Variants in RAB20 observed in about 807,000 individuals in gnomAD.
RAB20 encodes the protein ras-related protein Rab-20.
A neutral mutation model predicts 3.7 loss-of-function variants in RAB20; 2 were observed. That is an observed-to-expected ratio of 0.54 (90% CI 0.22 to 1.69). The LOEUF is 1.69. Ranked by LOEUF, RAB20 falls within the 40% of genes most tolerant of loss-of-function variation. The pLI is 0.19. For missense variants in RAB20, 276 were observed against 311.9 expected (o/e 0.88, Z 0.87); for synonymous variants, 126 against 130.8 (o/e 0.96, Z 0.25).
Position 110,561,333 on chromosome 13 carries a change from C to T in RAB20, c.172+15G>A. On this transcript the variant is annotated intron_variant, in intron 1 of 1. Coordinates refer to ENST00000267328, the MANE Select transcript of RAB20 (RefSeq NM_017817.3). ...GAGCCCCAGGGCGGTGTGGCTCATG[C>T]GGCGCCGGCCTCACCTGCGGTGTCC... 3 of 1,577,862 alleles carry T rather than the reference C, an allele frequency of 1.9e-6. No homozygotes were observed. Among genetic ancestry groups the T allele is most frequent in the East Asian group, 2.4e-5 (1 of 40,866 alleles).
intron 1 of RAB20, among the ~76,000 whole-genome samples, chr13:110,556,119 A>ACACAGC (rs1473391663): frequency 2.6e-5 from 4 of 152,226 alleles, no homozygotes; most frequent in Non-Finnish European, 5.9e-5. Flanking sequence ...AAAGGAGGTG[A>ACACAGC]CACAGCCACA....
Position 110,547,728 on chromosome 13 carries a change from C to T in RAB20, c.172+13620G>A, listed in dbSNP as rs550017125. Among the ~76,000 whole-genome samples the T allele has an allele frequency of 1.7e-4, 26 of 152,266 alleles. No homozygotes were observed. The East Asian group carries it at 4.6e-3, about 27-fold the overall frequency. ...GATTAAAGGAGCTAAAATGGGGAAGCGTTTTGCAGAGCCTCTGGCACATAT... is the reference window on the plus strand; with the variant it reads ...GATTAAAGGAGCTAAAATGGGGAAGTGTTTTGCAGAGCCTCTGGCACATAT... On this transcript the variant is annotated intron_variant, in intron 1 of 1. Transcript: ENST00000267328.
intron 1 of RAB20, among the ~76,000 whole-genome samples, chr13:110,551,608 G>A (rs989242020): frequency 2.0e-5 from 3 of 152,192 alleles, no homozygotes; most frequent in Non-Finnish European, 2.9e-5. Flanking sequence ...GCCAGCGTTC[G>A]CGGCCAGCTG....
chr13:110,558,607 C>A (rs1212099727), intron 1 of RAB20, among the ~76,000 whole-genome samples: 1 of 151,774 alleles, frequency 6.6e-6, no homozygotes, highest in African/African-American at 2.4e-5. Flanking sequence ...GTCTTGAACT[C>A]CTGACCTTAG....
chr13:110,557,114 C>G (rs1259783211), intron 1 of RAB20, among the ~76,000 whole-genome samples: 1 of 152,108 alleles, frequency 6.6e-6, no homozygotes, highest in East Asian at 1.9e-4. Context: ...AACACCTCCA[C>G]CAGAAGGAGC....
At chr13:110,538,238 C>CAAAAAAAAA (rs570075617) in intron 1 of RAB20, among the ~76,000 whole-genome samples, 1 of 78,524 alleles carries the variant, frequency 1.3e-5, no homozygotes, top group Non-Finnish European at 2.5e-5. Flanking sequence ...GACCTTGTCT[C>CAAAAAAAAA]AAAAAAAAAA....
At chr13:110,542,615 C>T (rs2477910) in intron 1 of RAB20, among the ~76,000 whole-genome samples, 1 of 152,036 alleles carries the variant, frequency 6.6e-6, no homozygotes, top group Non-Finnish European at 1.5e-5. Context: ...ATTTCACTTA[C>T]CATGATGTCC....
intron 1 of RAB20, among the ~76,000 whole-genome samples, chr13:110,559,269 T>C (rs779673199): frequency 2.8e-5 from 4 of 143,042 alleles, no homozygotes; most frequent in Non-Finnish European, 3.1e-5. Context: ...AAATGGTTCC[T>C]CCTCCGGCTG....
At chr13:110,526,600 C>A (rs1884435064) in intron 1 of RAB20, among the ~76,000 whole-genome samples, 1 of 152,152 alleles carries the variant, frequency 6.6e-6, no homozygotes, top group African/African-American at 2.4e-5. Context: ...TCACAGGGTC[C>A]ATGACCTTGA....
At chr13:110,532,386 C>T (rs1033235829) in intron 1 of RAB20, among the ~76,000 whole-genome samples, 1 of 152,094 alleles carries the variant, frequency 6.6e-6, no homozygotes, top group Admixed American at 6.6e-5. Flanking sequence ...TATTTATTTA[C>T]TTTTTCTTGA....
At chr13:110,524,331 T>G in intron 1 of RAB20, 134 bp from the exon 2 acceptor site, 1 of 1,331,676 alleles carries the variant, frequency 7.5e-7, no homozygotes, top group South Asian at 1.6e-5. Flanking sequence ...TGCTTAAACA[T>G]AGTTGATGGA....
intron 1 of RAB20, among the ~76,000 whole-genome samples, chr13:110,529,928 G>A (rs1050081955): frequency 6.6e-6 from 1 of 152,194 alleles, no homozygotes; most frequent in African/African-American, 2.4e-5. Flanking sequence ...ACATACAGAC[G>A]AAGAGGTCAA....
chr13:110,528,787 T>C (rs1390994144), intron 1 of RAB20, among the ~76,000 whole-genome samples: 2 of 152,148 alleles, frequency 1.3e-5, no homozygotes, highest in Non-Finnish European at 2.9e-5. Context: ...AAAGGAAAGA[T>C]CTTAGTAATG....
At chr13:110,552,254 C>A (rs1164893331) in intron 1 of RAB20, among the ~76,000 whole-genome samples, 3 of 151,778 alleles carry the variant, frequency 2.0e-5, no homozygotes, top group South Asian at 4.2e-4. Flanking sequence ...TGGTGGGCAC[C>A]CATAATCCCA....
intron 1 of RAB20, among the ~76,000 whole-genome samples, chr13:110,547,257 C>T (rs1442667796): frequency 6.6e-6 from 1 of 152,250 alleles, no homozygotes; most frequent in East Asian, 1.9e-4. Context: ...ACTGAATCAG[C>T]TGGCTCTGCA....
chr13:110,546,698 C>CT (rs1464263031), intron 1 of RAB20, among the ~76,000 whole-genome samples: 2 of 110,480 alleles, frequency 1.8e-5, no homozygotes, highest in Admixed American at 9.6e-5. Flanking sequence ...AGCTGAACTT[C>CT]TGTTTTTTTT....
intron 1 of RAB20, among the ~76,000 whole-genome samples, chr13:110,560,856 C>T (rs1885116985): frequency 6.6e-6 from 1 of 151,984 alleles, no homozygotes; most frequent in Non-Finnish European, 1.5e-5. Flanking sequence ...CTAAGAGGTC[C>T]GGAGGCTCCA....
chr13:110,542,520 T>C (rs2479434), intron 1 of RAB20, among the ~76,000 whole-genome samples: 49,712 of 152,064 alleles, frequency 0.33, 8,929 homozygotes, highest in African/African-American at 0.47. Flanking sequence ...GTAACCACCA[T>C]TCCACTCTGC....
intron 1 of RAB20, among the ~76,000 whole-genome samples, chr13:110,538,597 C>CAAAAAAAAAAAAAAAA (rs67409356): frequency 1.4e-5 from 1 of 70,728 alleles, no homozygotes; most frequent in Non-Finnish European, 2.6e-5. Flanking sequence ...GATCTTCTCT[C>CAAAAAAAAAAAAAAAA]AAAAAAAAAA....
Sources: gnomAD v4.1 joint callset for allele counts (sites outside exome capture counted in the v4.1 genomes callset) on GRCh38, gnomAD v4.1.1 for gene constraint, MANE v1.5 for transcripts, NCBI Gene and HGNC (gene_info 2026-07-23, HGNC 2026-07-21) for gene names.